The following TEX11 variants were observed in gnomAD, a reference collection of about 807,000 sequenced individuals.
TEX11 encodes testis expressed 11.
Under a neutral mutation model 84.4 loss-of-function variants are expected in TEX11, and 7 were observed. The observed-to-expected ratio is 0.08, with a 90% CI of 0.05 to 0.16. The LOEUF (loss-of-function observed/expected upper bound fraction) is 0.16. TEX11 is among the 10% of genes least tolerant of loss of function. TEX11 has a pLI of 1.00. For missense variants in TEX11, 551 were observed against 660.5 expected (o/e 0.83, Z 1.82); for synonymous variants, 264 against 222.8 (o/e 1.18, Z -1.64).
intron 9 of TEX11, among the ~76,000 whole-genome samples, chrX:70,755,518 A>T (rs2090860952): frequency 1.8e-5 from 2 of 112,027 alleles, no homozygotes; most frequent in African/African-American, 6.5e-5. Context: ...AAGCAGACCT[A>T]CAAGATCTAG....
Position 70,609,166 on chromosome X carries a change from G to A in TEX11, c.1804C>T (p.Leu602Phe), listed in dbSNP as rs1458382171. Residue 602 changes from leucine (L) to phenylalanine (F), a missense_variant, in exon 22 of 30, where the codon CTT becomes TTT. Transcript: ENST00000374333. ...GCTTCTTCACCAAAAGGCTGAGAAAGTTTCACAAAGGCTGCATCAAACAGG... is the reference window on the plus strand; with the variant it reads ...GCTTCTTCACCAAAAGGCTGAGAAAATTTCACAAAGGCTGCATCAAACAGG... Reference protein sequence around the residue: ...LTCLNRAFVKLSQPFGEEALS... With the variant: ...LTCLNRAFVKFSQPFGEEALS... The A allele has an allele frequency of 7.5e-6, 9 of 1,207,115 alleles. No individual in the cohort carries two copies. The highest frequency in any genetic ancestry group is 1.0e-5 in the Non-Finnish European group (9 of 893,743).
chrX:70,757,588 A>G (rs969265903), intron 9 of TEX11, among the ~76,000 whole-genome samples: 2 of 111,924 alleles, frequency 1.8e-5, no homozygotes, highest in Admixed American at 1.9e-4. Flanking sequence ...TTTTGTCACC[A>G]CCAGGCCTGT....
intron 13 of TEX11, among the ~76,000 whole-genome samples, chrX:70,701,230 A>C (rs1367680382): frequency 8.9e-6 from 1 of 112,294 alleles, no homozygotes; most frequent in African/African-American, 3.2e-5. Context: ...GCTAGAGAGA[A>C]GTCAATACCT....
chrX:70,584,108 T>C (rs2088818241), intron 25 of TEX11, among the ~76,000 whole-genome samples: 2 of 102,616 alleles, frequency 1.9e-5, no homozygotes, highest in African/African-American at 7.2e-5. Flanking sequence ...TGAAACCCCG[T>C]CTCTACTAAA....
rs986214184 is a variant in TEX11, at chrX:70,565,536, G to C, written c.2141-10736C>G. ...TTCCTCTAGAGTTTTTACGGTTTTA[G>C]GTCTAACGTTTAAGTCTTTAATCCA... is the stretch of plus-strand genomic sequence containing the variant. On this transcript the variant is annotated intron_variant, in intron 25 of 29. Coordinates refer to ENST00000374333, the MANE Select transcript of TEX11 (RefSeq NM_031276.3). 7.2e-5 allele frequency among the ~76,000 whole-genome samples: 8 copies of C among 111,225 alleles called. No homozygotes were observed. In the East Asian group the frequency reaches 2.0e-3, roughly 27 times the overall value.
chrX:70,815,151 G>T (rs1180905297), intron 8 of TEX11, among the ~76,000 whole-genome samples: 1 of 111,859 alleles, frequency 8.9e-6, no homozygotes, highest in East Asian at 2.8e-4. Flanking sequence ...CTCCTACAAG[G>T]CTGTACACAG....
In TEX11 at chrX:70,616,444, A is replaced by G. The variant is rs184069444; in HGVS notation, c.1752-5901T>C. Among the ~76,000 whole-genome samples the G allele has an allele frequency of 2.4e-3, 270 of 112,105 alleles. 1 individual carries two copies. The Middle Eastern group carries it at 0.037, about 15-fold the overall frequency. On this transcript the variant is annotated intron_variant, in intron 20 of 29. Coordinates refer to ENST00000374333, the MANE Select transcript of TEX11 (RefSeq NM_031276.3). ...TAACCTCAAATAAAAAACATAAAAC[A>G]GATACACACACAAAAAAACAAAGAA...
chrX:70,744,234 GAA>G lies in TEX11; in HGVS notation c.693-17_693-16del, dbSNP rs5902674. On this transcript the variant is annotated splice_polypyrimidine_tract_variant and intron_variant, in intron 9 of 29. Transcript: ENST00000374333. ...CATAGCTTTGGCTATCATTAAAAAG[GAA>G]AAAAAATATATATATATATATAAAC... 22 of 662,790 alleles carry G rather than the reference GAA, an allele frequency of 3.3e-5. No homozygotes were observed. The Admixed American group carries it at 1.2e-3, about 36-fold the overall frequency. The allele number at this position is 662,790 out of a possible 1,213,427, so 54.6% of individuals were successfully genotyped here.
the TEX11 span, among the ~76,000 whole-genome samples, chrX:70,516,873 CTT>C: frequency 5.6e-3 from 622 of 111,310 alleles, 3 homozygotes; most frequent in African/African-American, 0.017. Context: ...ATTTTATTCT[CTT>C]TGTAGTAATT....
intron 25 of TEX11, among the ~76,000 whole-genome samples, chrX:70,564,775 G>A (rs1329220350): frequency 9.2e-6 from 1 of 109,048 alleles, no homozygotes; most frequent in Non-Finnish European, 1.9e-5. Context: ...TGGTGTATAT[G>A]TGCCACATTT....
At chrX:70,536,927 C>A (rs187126881) in intron 28 of TEX11, among the ~76,000 whole-genome samples, 361 of 111,879 alleles carry the variant, frequency 3.2e-3, no homozygotes, top group African/African-American at 0.011. Context: ...TGTCCAAGAA[C>A]ATGGTATATA....
intron 9 of TEX11, among the ~76,000 whole-genome samples, chrX:70,761,728 AAAAG>A (rs755694687): frequency 1.8e-5 from 2 of 112,156 alleles, no homozygotes; most frequent in Non-Finnish European, 3.8e-5. Context: ...GCATAATAAA[AAAAG>A]AAAGAAAGTT....
chrX:70,676,716 T>C (rs888120749), intron 15 of TEX11, among the ~76,000 whole-genome samples: 1 of 112,353 alleles, frequency 8.9e-6, no homozygotes, highest in African/African-American at 3.2e-5. Flanking sequence ...GTTACCCGTA[T>C]ATTAAGCTAC....
chrX:70,736,894 T>C (rs902880631), intron 11 of TEX11, among the ~76,000 whole-genome samples: 2 of 111,662 alleles, frequency 1.8e-5, no homozygotes, highest in Non-Finnish European at 3.8e-5. Flanking sequence ...GATCAAATCG[T>C]TTCCAAATAA....
intron 4 of TEX11, among the ~76,000 whole-genome samples, chrX:70,869,036 GTAAAATAAAA>G (rs67299887): frequency 0.04 from 2,125 of 53,716 alleles, 60 homozygotes; most frequent in African/African-American, 0.087. Flanking sequence ...AGAACTTAAA[GTAAAATAAAA>G]TAAAATAAAA....
chrX:70,642,653 A>C (rs1158985122), intron 17 of TEX11, among the ~76,000 whole-genome samples: 3 of 92,595 alleles, frequency 3.2e-5, no homozygotes, highest in Non-Finnish European at 6.4e-5. Context: ...ATATAAACAG[A>C]GCCAAAGACA....
intron 20 of TEX11, among the ~76,000 whole-genome samples, chrX:70,620,153 C>T (rs1339426084): frequency 9.0e-6 from 1 of 110,730 alleles, no homozygotes; most frequent in African/African-American, 3.3e-5. Context: ...CCGTTATGAT[C>T]CTTTTGTTAT....
At chrX:70,679,091 G>A (rs1015813899) in intron 14 of TEX11, among the ~76,000 whole-genome samples, 3 of 112,544 alleles carry the variant, frequency 2.7e-5, no homozygotes, top group Admixed American at 9.3e-5. Flanking sequence ...GGCGCGCGCC[G>A]CCACGCCTGA....
downstream of TEX11, chrX:70,528,838 G>T (rs2087848602): frequency 2.9e-6 from 1 of 346,953 alleles, no homozygotes; most frequent in African/African-American, 2.6e-5. Context: ...CTTTTGTTCA[G>T]ATGGGGCATA....
Sources: gnomAD v4.1 joint callset for allele counts (sites outside exome capture counted in the v4.1 genomes callset) on GRCh38, gnomAD v4.1.1 for gene constraint, MANE v1.5 for transcripts, NCBI Gene and HGNC (gene_info 2026-07-23, HGNC 2026-07-21) for gene names.